Variants in FA2H observed in about 807,000 individuals in gnomAD.
FA2H encodes fatty acid 2-hydroxylase, also known as fatty acid alpha-hydroxylase.
In FA2H, 22 loss-of-function variants were observed where a neutral mutation model predicts 44.9. The ratio of observed to expected loss-of-function variants is 0.49; its 90% CI spans 0.35 to 0.70. The LOEUF (loss-of-function observed/expected upper bound fraction) is 0.70, where lower values mean the gene tolerates loss of function less well. FA2H is among the 30% of genes least tolerant of loss of function. The probability of loss-of-function intolerance (pLI) is 0.01; values close to 1 mark genes in which losing one functional copy is unlikely to be tolerated. For synonymous variants in FA2H, 243 were observed against 213.2 expected (o/e 1.14, Z -1.22); for missense variants, 501 against 504.9 (o/e 0.99, Z 0.07).
At chr16:74,765,377 G>A (rs948986345) in intron 1 of FA2H, among the ~76,000 whole-genome samples, 2 of 151,972 alleles carry the variant, frequency 1.3e-5, no homozygotes, top group African/African-American at 4.8e-5. Context: ...GGCTGGTCTC[G>A]GACTCCTGAC....
At chr16:74,770,151 TTC>T (rs1962880296) in intron 1 of FA2H, among the ~76,000 whole-genome samples, 2 of 152,310 alleles carry the variant, frequency 1.3e-5, no homozygotes, top group East Asian at 3.9e-4. Context: ...GGCACTCCCC[TTC>T]CCCAGCAAAA....
chr16:74,731,298 CTT>C (rs796570887), intron 2 of FA2H, among the ~76,000 whole-genome samples: 8 of 131,324 alleles, frequency 6.1e-5, no homozygotes, highest in African/African-American at 1.1e-4. Flanking sequence ...CCACGTCTGG[CTT>C]TTTTTTTTTT....
chr16:74,729,162 C>T (rs1178009838), intron 2 of FA2H, among the ~76,000 whole-genome samples: 1 of 152,146 alleles, frequency 6.6e-6, no homozygotes, highest in East Asian at 1.9e-4. Flanking sequence ...AGGCACATGC[C>T]ACCTCGCCCG....
chr16:74,769,541 C>T lies in FA2H; in HGVS notation c.270+4945G>A, dbSNP rs78706599. On this transcript the variant is annotated intron_variant, in intron 1 of 6. Coordinates refer to ENST00000219368, the MANE Select transcript of FA2H (RefSeq NM_024306.5). ...AGTGGTACACCAAATTGGTAAAAGG[C>T]GAAAGACTTATACAATCTGAAGAGT... Among the ~76,000 whole-genome samples the T allele has an allele frequency of 6.6e-4, 100 of 152,076 alleles. No individual in the cohort carries two copies. In the East Asian group the frequency reaches 0.015, roughly 23 times the overall value.
chr16:74,738,430 G>A (rs1371776423), intron 2 of FA2H, among the ~76,000 whole-genome samples: 2 of 152,126 alleles, frequency 1.3e-5, no homozygotes, highest in Non-Finnish European at 2.9e-5. Context: ...CACAGCTCGG[G>A]GAGACTGGGA....
intron 4 of FA2H, among the ~76,000 whole-genome samples, chr16:74,720,534 A>G (rs574113349): frequency 6.6e-6 from 1 of 151,944 alleles, no homozygotes; most frequent in South Asian, 2.1e-4. Context: ...TTCTCTACAA[A>G]CCATAGCTTT....
intron 2 of FA2H, among the ~76,000 whole-genome samples, chr16:74,729,289 G>A (rs1441950228): frequency 6.6e-6 from 1 of 152,154 alleles, no homozygotes; most frequent in Admixed American, 6.5e-5. Flanking sequence ...GATTATGGGC[G>A]TAAGCCACCA....
chr16:74,747,292 C>T (rs1962442170), intron 1 of FA2H, among the ~76,000 whole-genome samples: 1 of 150,802 alleles, frequency 6.6e-6, no homozygotes, highest in African/African-American at 2.4e-5. Flanking sequence ...GCCTGGGTGA[C>T]AGAGCAAGAC....
At chr16:74,730,566 A>G (rs563787757) in intron 2 of FA2H, among the ~76,000 whole-genome samples, 5 of 152,096 alleles carry the variant, frequency 3.3e-5, no homozygotes, top group African/African-American at 9.6e-5. Flanking sequence ...CACACCCTGC[A>G]CCACCACAAC....
intron 4 of FA2H, among the ~76,000 whole-genome samples, chr16:74,722,021 C>T (rs1319856085): frequency 6.6e-6 from 1 of 152,214 alleles, no homozygotes; most frequent in East Asian, 1.9e-4. Flanking sequence ...CCCTGCATTG[C>T]CTGCATGATT....
chr16:74,746,313 G>A (rs1962422228), intron 1 of FA2H, among the ~76,000 whole-genome samples: 1 of 151,768 alleles, frequency 6.6e-6, no homozygotes, highest in South Asian at 2.1e-4. Context: ...AGGCTGGAGT[G>A]GAGTGGTGTG....
chr16:74,740,925 G>C (rs962636776), intron 1 of FA2H, among the ~76,000 whole-genome samples: 2 of 152,162 alleles, frequency 1.3e-5, no homozygotes, highest in Admixed American at 1.3e-4. Flanking sequence ...AAGAAAGAAA[G>C]GCAGCAGGGA....
At chr16:74,740,636 A>AATG (rs1962276781) in intron 1 of FA2H, among the ~76,000 whole-genome samples, 1 of 136,286 alleles carries the variant, frequency 7.3e-6, no homozygotes, top group South Asian at 2.3e-4. Context: ...TAATAATAAT[A>AATG]ATAATAATAA....
intron 1 of FA2H, among the ~76,000 whole-genome samples, chr16:74,748,851 G>A (rs756624889): frequency 4.6e-5 from 7 of 152,228 alleles, no homozygotes; most frequent in Non-Finnish European, 8.8e-5. Context: ...CGGACAGATG[G>A]CCTTTTATCC....
chr16:74,750,790 T>TGTGTGC lies in FA2H; in HGVS notation c.271-10676_271-10675insGCACAC, dbSNP rs1555540831. Among the ~76,000 whole-genome samples, 985 of 151,486 alleles carry TGTGTGC rather than the reference T, an allele frequency of 6.5e-3. 11 individuals carry two copies. The highest frequency in any genetic ancestry group is 0.023 in the African/African-American group (947 of 41,202). ...GTGTGTGTGTGTGTGTGTGTGTGTGTTTAAGAGACAGGGTCTCGCTCTGTC... is the reference window on the plus strand; with the variant it reads ...GTGTGTGTGTGTGTGTGTGTGTGTGTGTGTGCTTAAGAGACAGGGTCTCGCTCTGTC... On this transcript the variant is annotated intron_variant, in intron 1 of 6. Coordinates refer to ENST00000219368, the MANE Select transcript of FA2H (RefSeq NM_024306.5).
intron 2 of FA2H, among the ~76,000 whole-genome samples, chr16:74,737,565 C>G (rs1962206722): frequency 6.6e-6 from 1 of 152,124 alleles, no homozygotes; most frequent in Non-Finnish European, 1.5e-5. Flanking sequence ...CTCACTCTTC[C>G]CAGCATTCTC....
At chr16:74,722,560 G>A (rs1466132498) in intron 4 of FA2H, among the ~76,000 whole-genome samples, 1 of 151,884 alleles carries the variant, frequency 6.6e-6, no homozygotes, top group Admixed American at 6.6e-5. Context: ...AAAAGAAAAC[G>A]TAGGTTGGAC....
At position 74,774,614 on chromosome 16, in the gene FA2H, G is replaced by T. The variant is rs1253521818; in HGVS notation, c.142C>A (p.Gln48Lys). 3.3e-6 allele frequency: 5 copies of T among 1,520,426 alleles called. No homozygotes were observed. Among genetic ancestry groups the T allele is most frequent in the Non-Finnish European group, 4.4e-6 (5 of 1,142,702 alleles). 94.2% of individuals were successfully genotyped at this position (1,520,426 alleles called of 1,614,324 possible). ...TGGCCCGCCCTGGCCCGCAGCAGCT[G>T]CTCGCCCCCCGGGTGGTGCCGCACG... The part of the protein sequence containing the change: ...SFVRHHPGGE[Q>K]LLRARAGQDI... The change falls in exon 1 of 7, where the codon CAG becomes AAG. Residue 48 changes from glutamine (Q) to lysine (K), a missense_variant. By Grantham distance (53) the Gln-to-Lys change is moderately conservative (BLOSUM62 1). Coordinates refer to ENST00000219368, the MANE Select transcript of FA2H (RefSeq NM_024306.5).
intron 1 of FA2H, among the ~76,000 whole-genome samples, chr16:74,741,931 C>T (rs1962320469): frequency 6.7e-6 from 1 of 150,090 alleles, no homozygotes; most frequent in Non-Finnish European, 1.5e-5. Context: ...TATAGCACAT[C>T]ATACATGGAA....
Sources: allele counts gnomAD v4.1 joint callset (sites outside exome capture counted in the v4.1 genomes callset), GRCh38; gene constraint gnomAD v4.1.1; transcripts MANE v1.5; gene names NCBI Gene and HGNC (gene_info 2026-07-23, HGNC 2026-07-21).